Variants in RGPD3 observed in about 807,000 individuals in gnomAD.
RGPD3 encodes the protein ranBP2-like and GRIP domain-containing protein 3.
Under a neutral mutation model 154.5 loss-of-function variants are expected in RGPD3, and 62 were observed. That is an observed-to-expected ratio of 0.40 (90% confidence interval 0.33 to 0.50). The LOEUF (loss-of-function observed/expected upper bound fraction) is 0.50, where lower values mean the gene tolerates loss of function less well. RGPD3 is among the 20% of genes least tolerant of loss of function. The pLI is 0.59. For synonymous variants in RGPD3, 308 were observed against 607.0 expected, an observed-to-expected ratio of 0.51 and a Z score of 7.24; for missense variants, 919 against 1,716.8, an observed-to-expected ratio of 0.54 and a Z score of 8.21.
rs756910983 is a variant in RGPD3 at position 106,425,265 on chromosome 2, C to G, written c.2702G>C (p.Gly901Ala). ...RPAANVTPTK[G>A]SSNTEFKSTK... ...TGACTTAAATTCTGTATTAGAAGAA[C>G]CCTGAAACATAAATGAAGGTGAATT... Residue 901 changes from glycine (G) to alanine (A), a missense_variant and splice_region_variant, in exon 20 of 23, where the codon GGT becomes GCT. By Grantham distance (60) the Gly-to-Ala change is moderately conservative. Coordinates refer to ENST00000409886, the MANE Select transcript of RGPD3 (RefSeq NM_001144013.2). 20 of 1,610,766 alleles carry G rather than the reference C, an allele frequency of 1.2e-5. No individual in the cohort carries two copies. The South Asian group carries it at 2.2e-4, about 18-fold the overall frequency.
At chr2:106,430,133 T>G (rs1055717882) in intron 17 of RGPD3, among the ~76,000 whole-genome samples, 2 of 149,488 alleles carry the variant, frequency 1.3e-5, no homozygotes, top group Non-Finnish European at 1.5e-5. Flanking sequence ...ATCCACCACC[T>G]CAGCCTCCCA....
intron 22 of RGPD3, among the ~76,000 whole-genome samples, chr2:106,409,808 CTT>C (rs1457126955): frequency 2.2e-5 from 3 of 135,826 alleles, no homozygotes; most frequent in East Asian, 2.2e-4. Context: ...TTTTCCCACT[CTT>C]GTTTTTTGTT....
chr2:106,438,444 C>T (rs1199629322), intron 9 of RGPD3, among the ~76,000 whole-genome samples: 6 of 149,950 alleles, frequency 4.0e-5, no homozygotes, highest in African/African-American at 1.2e-4. Flanking sequence ...CCTACGATCA[C>T]GCCACTACAC....
intron 11 of RGPD3, 23 bp from the exon 12 acceptor site, chr2:106,436,269 A>G (rs560328660): frequency 5.2e-5 from 84 of 1,611,918 alleles, no homozygotes; most frequent in Admixed American, 2.8e-4. Flanking sequence ...TCAATTTACT[A>G]AAATTGCTTT....
intron 20 of RGPD3, among the ~76,000 whole-genome samples, chr2:106,421,202 T>C (rs958183242): frequency 1.3e-5 from 2 of 151,988 alleles, no homozygotes; most frequent in African/African-American, 4.8e-5. Context: ...ATGTCTAAAG[T>C]CTTCATTTCT....
rs1217914591 is a variant in RGPD3, at chr2:106,404,008, T to C, written c.*1211A>G. Among the ~76,000 whole-genome samples the C allele has an allele frequency of 2.0e-5, 3 of 152,226 alleles. No homozygotes were observed. Among genetic ancestry groups the C allele is most frequent in the African/African-American group, 7.2e-5 (3 of 41,432 alleles). Reference sequence around the variant, plus strand: ...TAAGAACAACACAGTTTGGATCTAGTCATTAAAACATATGCAGCGGTGTCA... The same window carrying C: ...TAAGAACAACACAGTTTGGATCTAGCCATTAAAACATATGCAGCGGTGTCA... On this transcript the variant is annotated 3_prime_UTR_variant, in exon 23 of 23. Coordinates refer to ENST00000409886, the MANE Select transcript of RGPD3 (RefSeq NM_001144013.2).
intron 6 of RGPD3, among the ~76,000 whole-genome samples, chr2:106,451,050 C>T (rs1423446711): frequency 1.4e-5 from 2 of 145,220 alleles, no homozygotes; most frequent in Non-Finnish European, 3.0e-5. Flanking sequence ...GGTCGTGCCA[C>T]TGCACTCCAG....
At position 106,441,307 on chromosome 2, in the gene RGPD3, C is replaced by T. The variant is rs755755984; in HGVS notation, c.1052G>A (p.Arg351Gln). The T allele has an allele frequency of 2.0e-5, 31 of 1,551,766 alleles. No homozygotes were observed. The highest frequency in any genetic ancestry group is 9.8e-5 in the African/African-American group (7 of 71,228). Residue 351 changes from arginine to glutamine, a missense_variant, in exon 8 of 23, where the codon CGA becomes CAA. Physicochemically the swap from Arg to Gln is conservative, Grantham distance 43. Transcript: ENST00000409886. ...QNLLEMMACD[R>Q]LSQSGHMLLN... ...ATTACTATTACCTGATTGGCTCAGT[C>T]GGTCACAGGCCATCATTTCCAGCAG...
At chr2:106,455,186 A>C (rs1346995894) in intron 4 of RGPD3, among the ~76,000 whole-genome samples, 1 of 151,724 alleles carries the variant, frequency 6.6e-6, no homozygotes, top group Non-Finnish European at 1.5e-5. Context: ...AGAAATAAAA[A>C]AAGTGAAAGG....
At chr2:106,441,210 C>G (rs1677731881) in intron 8 of RGPD3, 83 bp downstream of exon 8, 2 of 1,580,660 alleles carry the variant, frequency 1.3e-6, no homozygotes, top group African/African-American at 1.4e-5. Context: ...ATCTCCTGGA[C>G]AGACTGAGAT....
At chr2:106,421,459 A>G (rs959102457) in intron 20 of RGPD3, among the ~76,000 whole-genome samples, 2 of 151,818 alleles carry the variant, frequency 1.3e-5, no homozygotes, top group Non-Finnish European at 2.9e-5. Flanking sequence ...AAAAAAAATC[A>G]GAGATTTTTA....
Position 106,413,136 on chromosome 2 carries a change from C to A in RGPD3, c.5214G>T (p.Thr1738=). The A allele has an allele frequency of 6.2e-7, 1 of 1,611,480 alleles. No homozygotes were observed. The change falls in exon 22 of 23, where the codon ACG becomes ACT. Residue 1738 remains threonine (T), a synonymous_variant. Transcript: ENST00000409886. ...TTTCTTCAAGGCTGAGCTGCAACATCGTATTTATAACAGGAAGAAGTCTCT... is the reference window on the plus strand; with the variant it reads ...TTTCTTCAAGGCTGAGCTGCAACATAGTATTTATAACAGGAAGAAGTCTCT... The part of the protein sequence containing the change: ...ERERLLPVIN[T]MLQLSLEEKG...
intron 7 of RGPD3, among the ~76,000 whole-genome samples, chr2:106,443,411 G>A (rs1322379980): frequency 2.0e-5 from 3 of 151,240 alleles, no homozygotes; most frequent in Non-Finnish European, 4.4e-5. Context: ...TATGATTTAT[G>A]AACCTAAAAG....
At position 106,403,774 on chromosome 2, in the gene RGPD3, G is replaced by A. The variant is rs1457878276; in HGVS notation, c.*1445C>T. 6.6e-6 allele frequency among the ~76,000 whole-genome samples: 1 copy of A among 152,280 alleles called. No homozygotes were observed. The highest frequency in any genetic ancestry group is 1.5e-5 in the Non-Finnish European group (1 of 68,054). ...TCTAAGGAGGAAAGACGAGATATAT[G>A]AGATATTTTTTAAAGAACAAACTCA... On this transcript the variant is annotated 3_prime_UTR_variant, in exon 23 of 23. Coordinates refer to ENST00000409886, the MANE Select transcript of RGPD3 (RefSeq NM_001144013.2).
In RGPD3 at chr2:106,422,899, G is replaced by A. The variant is rs891265574; in HGVS notation, c.4924+144C>T. 2.7e-5 allele frequency: 42 copies of A among 1,557,046 alleles called. No individual in the cohort carries two copies. In the Middle Eastern group the frequency reaches 9.4e-4, roughly 35 times the overall value. On this transcript the variant is annotated intron_variant, in intron 20 of 22. Transcript: ENST00000409886. The stretch of plus-strand genomic sequence containing the variant: ...GAAACCTCACCATGAACTTATTAAG[G>A]GAGAAAAAAATTGCTCAAATATTTT...
At chr2:106,448,713 A>C (rs1352091573) in intron 6 of RGPD3, among the ~76,000 whole-genome samples, 1 of 151,506 alleles carries the variant, frequency 6.6e-6, no homozygotes, top group Non-Finnish European at 1.5e-5. Context: ...GTTTTTGGAG[A>C]CAGAATCTCA....
intron 22 of RGPD3, among the ~76,000 whole-genome samples, chr2:106,405,959 GTC>G (rs1676502749): frequency 7.3e-6 from 1 of 136,876 alleles, no homozygotes; most frequent in Non-Finnish European, 1.6e-5. Context: ...ATGAATCAAT[GTC>G]TGTTCTTGAA....
chr2:106,462,494 A>C (rs917583868), intron 1 of RGPD3, among the ~76,000 whole-genome samples: 1 of 151,194 alleles, frequency 6.6e-6, no homozygotes, highest in African/African-American at 2.4e-5. Context: ...AGCAGATGTC[A>C]CTATAAGCAA....
intron 7 of RGPD3, among the ~76,000 whole-genome samples, chr2:106,446,569 C>CAAAA (rs550745664): frequency 9.7e-5 from 2 of 20,534 alleles, no homozygotes; most frequent in African/African-American, 2.0e-4. Flanking sequence ...GACTCCATCT[C>CAAAA]AAAAAAAAAA....
Sources: gnomAD v4.1 joint callset for allele counts (sites outside exome capture counted in the v4.1 genomes callset) on GRCh38, gnomAD v4.1.1 for gene constraint, MANE v1.5 for transcripts, NCBI Gene and HGNC (gene_info 2026-07-23, HGNC 2026-07-21) for gene names.